Variants in SLC1A1 observed in about 807,000 individuals in gnomAD.
SLC1A1 encodes the protein solute carrier family 1 member 1, also known as excitatory amino acid transporter 3.
A neutral mutation model predicts 53.3 loss-of-function variants in SLC1A1; 43 were observed. The observed-to-expected ratio is 0.81, with a 90% CI of 0.63 to 1.04. SLC1A1 has a LOEUF of 1.04. Ranked by LOEUF, SLC1A1 falls within the 50% of genes least tolerant of loss-of-function variation. The pLI, the probability that SLC1A1 is intolerant of heterozygous loss-of-function variation, is 0.00. For missense variants in SLC1A1, 748 were observed against 664.9 expected (o/e 1.12, Z -1.37); for synonymous variants, 307 against 243.2 (o/e 1.26, Z -2.44).
chr9:4,497,378 A>G (rs1252995304), intron 1 of SLC1A1, among the ~76,000 whole-genome samples: 1 of 152,098 alleles, frequency 6.6e-6, no homozygotes, highest in African/African-American at 2.4e-5. Flanking sequence ...ATTACCCTAT[A>G]TTCTGATGTT....
At chr9:4,529,507 A>T (rs1816388015) in intron 1 of SLC1A1, among the ~76,000 whole-genome samples, 1 of 152,156 alleles carries the variant, frequency 6.6e-6, no homozygotes, top group Non-Finnish European at 1.5e-5. Flanking sequence ...CTTTGTAGTC[A>T]CACAGTGTGC....
intron 1 of SLC1A1, among the ~76,000 whole-genome samples, chr9:4,500,936 G>A (rs753198055): frequency 1.1e-4 from 17 of 152,014 alleles, no homozygotes; most frequent in Non-Finnish European, 2.2e-4. Flanking sequence ...TGTGAGCTCC[G>A]GGCAGCGGTT....
rs543643470 is a variant in SLC1A1, at chr9:4,576,855, T to C, written c.1193+92T>C. 2.7e-5 allele frequency: 29 copies of C among 1,084,960 alleles called. No individual in the cohort carries two copies. The African/African-American group carries it at 4.3e-4, about 16-fold the overall frequency. The allele number at this position is 1,084,960 out of a possible 1,614,324, so 67.2% of individuals were successfully genotyped here. On this transcript the variant is annotated intron_variant, in intron 10 of 11. Transcript: ENST00000262352. ...TGAAGGGACACCAAGAATGTCGCAG[T>C]GATGAATTCTTTTTCTTGATCTATA...
At chr9:4,538,436 G>C (rs997671532) in intron 1 of SLC1A1, among the ~76,000 whole-genome samples, 5 of 152,182 alleles carry the variant, frequency 3.3e-5, no homozygotes, top group African/African-American at 1.2e-4. Flanking sequence ...TGAATAGAAT[G>C]GGAGGAAGAT....
chr9:4,537,696 A>T (rs1359234288), intron 1 of SLC1A1, among the ~76,000 whole-genome samples: 1 of 152,176 alleles, frequency 6.6e-6, no homozygotes, highest in African/African-American at 2.4e-5. Context: ...GTATGATTAC[A>T]TTTATAGGAA....
In SLC1A1 at chr9:4,585,697, T is replaced by C; in HGVS notation, c.*139T>C. 1.8e-6 allele frequency: 2 copies of C among 1,126,052 alleles called. No homozygotes were observed. The highest frequency in any genetic ancestry group is 4.9e-5 in the East Asian group (2 of 40,966). 69.8% of individuals were successfully genotyped at this position (1,126,052 alleles called of 1,614,324 possible). ...ATACAGACCTCCAGATTATTTTCTA[T>C]ATTTGGATTCACAGCCTTTGCGCTC... On this transcript the variant is annotated 3_prime_UTR_variant, in exon 12 of 12. Transcript: ENST00000262352.
In SLC1A1 at chr9:4,583,154, T is replaced by A. The variant is rs766448884; in HGVS notation, c.1310T>A (p.Ile437Asn). ...CCCGCCGAGGATGTCACCCTGATCA[T>A]TGCTGTCGACTGGCTCCTGTGAGTT... Reference protein sequence around the residue: ...GLPAEDVTLIIAVDWLLDRFR... With the variant: ...GLPAEDVTLINAVDWLLDRFR... The change falls in exon 11 of 12, where the codon ATT (isoleucine) becomes AAT (asparagine). Residue 437 changes from isoleucine to asparagine, a missense_variant. Transcript: ENST00000262352. This position sits in a 1 kb window ranked among gnomAD's most constrained non-coding sequence, Gnocchi z 4.6. 1 of 1,614,244 alleles carries A rather than the reference T, an allele frequency of 6.2e-7. No homozygotes were observed. The highest frequency in any genetic ancestry group is 1.7e-5 in the Admixed American group (1 of 60,030).
At chr9:4,498,239 T>C (rs1217700388) in intron 1 of SLC1A1, among the ~76,000 whole-genome samples, 1 of 152,228 alleles carries the variant, frequency 6.6e-6, no homozygotes, top group Non-Finnish European at 1.5e-5. Flanking sequence ...TCAACTGTTC[T>C]GTGTTTGAAC....
intron 10 of SLC1A1, among the ~76,000 whole-genome samples, chr9:4,579,871 G>GA (rs1383627606): frequency 2.0e-5 from 3 of 151,916 alleles, no homozygotes; most frequent in Non-Finnish European, 4.4e-5. Flanking sequence ...ACAACGGATT[G>GA]AAAATTGTGT....
At chr9:4,504,245 G>T (rs1820727394) in intron 1 of SLC1A1, among the ~76,000 whole-genome samples, 1 of 152,208 alleles carries the variant, frequency 6.6e-6, no homozygotes, top group Admixed American at 6.5e-5. Context: ...ACCCTGGATG[G>T]TAGAGCCTTT....
At chr9:4,566,021 A>G (rs757592902) in intron 4 of SLC1A1, 26 bp from the exon 5 acceptor site, 3 of 1,600,758 alleles carry the variant, frequency 1.9e-6, no homozygotes, top group Non-Finnish European at 2.6e-6. Flanking sequence ...GCCCTAACAT[A>G]ATACTGCCTT....
chr9:4,547,083 T>C (rs1817556015), intron 2 of SLC1A1, among the ~76,000 whole-genome samples: 1 of 152,220 alleles, frequency 6.6e-6, no homozygotes, highest in African/African-American at 2.4e-5. Context: ...ATATCAGATG[T>C]TTGAAAATAC....
rs1478203378 is a variant in SLC1A1 at position 4,583,094 on chromosome 9, T to C, written c.1250T>C (p.Val417Ala). 5.0e-6 allele frequency: 8 copies of C among 1,614,110 alleles called. No individual in the cohort carries two copies. The highest frequency in any genetic ancestry group is 1.7e-5 in the Admixed American group (1 of 60,018). Residue 417 changes from valine to alanine, a missense_variant, in exon 11 of 12, where the codon GTG (valine) becomes GCG (alanine). Transcript: ENST00000262352. This position sits in a 1 kb window ranked among gnomAD's most constrained non-coding sequence, Gnocchi z 4.6. ...GAAGVPQAGL[V>A]TMVIVLSAVG... is the part of the protein sequence containing the mutation. ...GCTGGCGTGCCCCAGGCTGGCCTGG[T>C]GACCATGGTGATTGTGCTGAGTGCC... is the stretch of plus-strand genomic sequence containing the variant.
At chr9:4,493,876 A>G (rs1820321688) in intron 1 of SLC1A1, among the ~76,000 whole-genome samples, 2 of 152,242 alleles carry the variant, frequency 1.3e-5, no homozygotes, top group African/African-American at 4.8e-5. Context: ...TTTTCAAGAT[A>G]CAGCACATGA....
chr9:4,561,281 T>A (rs1207606304), intron 2 of SLC1A1, among the ~76,000 whole-genome samples, 168 bp from the exon 3 acceptor site: 1 of 152,140 alleles, frequency 6.6e-6, no homozygotes, highest in African/African-American at 2.4e-5. Context: ...CTCTCTTAAA[T>A]CTGTTTGGAA....
intron 1 of SLC1A1, among the ~76,000 whole-genome samples, chr9:4,518,882 C>T (rs947432017): frequency 6.6e-5 from 10 of 152,172 alleles, no homozygotes; most frequent in Non-Finnish European, 1.3e-4. Flanking sequence ...ATCATTCCTT[C>T]TTGACTTATA....
intron 1 of SLC1A1, among the ~76,000 whole-genome samples, chr9:4,513,251 G>C (rs148471186): frequency 1.4e-4 from 21 of 152,206 alleles, no homozygotes; most frequent in Admixed American, 1.4e-3. Context: ...GCACTTAAGA[G>C]AATGAACAAA....
chr9:4,541,398 TAGTTC>T (rs1816993753), intron 1 of SLC1A1, among the ~76,000 whole-genome samples: 1 of 152,216 alleles, frequency 6.6e-6, no homozygotes, highest in African/African-American at 2.4e-5. Context: ...AGTGACAATT[TAGTTC>T]GTTTGTTTTC....
chr9:4,572,180 T>C (rs1451942069), intron 6 of SLC1A1, 24 bp from the exon 7 acceptor site: 6 of 1,600,828 alleles, frequency 3.7e-6, no homozygotes, highest in Non-Finnish European at 4.3e-6. Flanking sequence ...TGCATCAATA[T>C]GTTTTCTTGG....
Sources: allele counts gnomAD v4.1 joint callset (sites outside exome capture counted in the v4.1 genomes callset), GRCh38; gene constraint gnomAD v4.1.1; non-coding constraint Gnocchi (gnomAD v3.1); transcripts MANE v1.5; gene names NCBI Gene and HGNC (gene_info 2026-07-23, HGNC 2026-07-21).